Variants in MDM2 observed in about 807,000 individuals in gnomAD.
MDM2 encodes the protein E3 ubiquitin-protein ligase Mdm2.
A neutral mutation model predicts 64.3 loss-of-function variants in MDM2; 11 were observed. The ratio of observed to expected loss-of-function variants is 0.17; its 90% CI spans 0.11 to 0.28. MDM2 has a LOEUF of 0.28. MDM2 is among the 10% of genes least tolerant of loss of function. The pLI, the probability that MDM2 is intolerant of heterozygous loss-of-function variation, is 1.00. For missense variants in MDM2, 388 were observed against 577.1 expected (o/e 0.67, Z 3.36); for synonymous variants, 194 against 192.9 (o/e 1.01, Z -0.05).
intron 5 of MDM2, among the ~76,000 whole-genome samples, chr12:68,822,901 C>T (rs530856224): frequency 1.9e-3 from 289 of 152,076 alleles, no homozygotes; most frequent in African/African-American, 6.7e-3. Context: ...CCACCACGTC[C>T]GGTTAATTTT....
intron 7 of MDM2, 125 bp downstream of exon 7, chr12:68,824,776 G>T: frequency 1.3e-5 from 8 of 634,842 alleles, no homozygotes; most frequent in African/African-American, 1.9e-5. Flanking sequence ...TAACCTCTGA[G>T]TTTTTTTCAT....
exon 11 of MDM2, chr12:68,845,536 TGATTGTCTTTAGA>T (rs1884224749): frequency 1.6e-5 from 3 of 190,070 alleles, no homozygotes; most frequent in South Asian, 5.8e-4. Flanking sequence ...AAACCATAGT[TGATTGTCTTTAGA>T]GAGAGGAGTG....
chr12:68,812,985 A>G (rs1487214575), intron 2 of MDM2, among the ~76,000 whole-genome samples: 1 of 152,176 alleles, frequency 6.6e-6, no homozygotes, highest in African/African-American at 2.4e-5. Flanking sequence ...TCCAGTGCAT[A>G]GTAGAAGCTC....
rs1883947441 is a variant in MDM2 at position 68,843,181 on chromosome 12, T to C, written c.*3332T>C. On this transcript the variant is annotated 3_prime_UTR_variant, in exon 11 of 11. Transcript: ENST00000258149. ...TGTTAATTGCACACAAAACCACTTT[T>C]AATGGGTACAGAGTTAAATTTGAAG... is the stretch of plus-strand genomic sequence containing the variant. 8.4e-5 allele frequency: 19 copies of C among 224,914 alleles called. No individual in the cohort carries two copies. The East Asian group carries it at 1.2e-3, about 15-fold the overall frequency. The allele number at this position is 224,914 out of a possible 1,614,324, so 13.9% of individuals were successfully genotyped here.
chr12:68,813,724 G>T, intron 3 of MDM2, 96 bp downstream of exon 3: 2 of 801,022 alleles, frequency 2.5e-6, no homozygotes, highest in African/African-American at 1.8e-5. Flanking sequence ...CATATAGAAG[G>T]ATTTTTCATT....
At chr12:68,820,840 ATC>A (rs1881779840) in intron 5 of MDM2, among the ~76,000 whole-genome samples, 1 of 152,296 alleles carries the variant, frequency 6.6e-6, no homozygotes, top group South Asian at 2.1e-4. Context: ...TTTGGGTCAC[ATC>A]TCTCTTTAAT....
intron 4 of MDM2, among the ~76,000 whole-genome samples, chr12:68,819,154 TG>T (rs1266926162): frequency 5.9e-5 from 9 of 152,212 alleles, no homozygotes; most frequent in African/African-American, 2.2e-4. Context: ...AAAAATATTG[TG>T]GGTTTAGGTT....
chr12:68,846,526 C>T (rs1884309803), downstream of MDM2: 1 of 152,152 alleles, frequency 6.6e-6, no homozygotes, highest in African/African-American at 2.4e-5. Flanking sequence ...TTAAGTAGGC[C>T]TTCCTTCAAG....
At chr12:68,826,419 C>T (rs3730586) in intron 7 of MDM2, among the ~76,000 whole-genome samples, 13,808 of 151,672 alleles carry the variant, frequency 0.091, 2,111 homozygotes, top group African/African-American at 0.32. Context: ...AAGGCCGAAG[C>T]GGGTGGATCT....
intron 7 of MDM2, among the ~76,000 whole-genome samples, chr12:68,827,580 TA>T (rs1356609192): frequency 3.3e-5 from 5 of 152,238 alleles, no homozygotes; most frequent in Non-Finnish European, 5.9e-5. Context: ...ATAGTCTTTT[TA>T]TTGAGGACTT....
chr12:68,833,532 C>T (rs1592595708), intron 8 of MDM2, among the ~76,000 whole-genome samples: 1 of 149,928 alleles, frequency 6.7e-6, no homozygotes, highest in Non-Finnish European at 1.5e-5. Context: ...CCCAATATTG[C>T]ATTTTTTCAT....
chr12:68,835,795 G>C (rs759856407), intron 8 of MDM2, 34 bp from the exon 9 acceptor site: 1 of 1,597,170 alleles, frequency 6.3e-7, no homozygotes, highest in Non-Finnish European at 8.5e-7. Flanking sequence ...AAGAGGTGAT[G>C]TTTATTAAGT....
intron 7 of MDM2, among the ~76,000 whole-genome samples, chr12:68,827,509 C>T (rs1396547940): frequency 1.3e-5 from 2 of 151,976 alleles, no homozygotes; most frequent in Non-Finnish European, 2.9e-5. Flanking sequence ...TTGACCTTTG[C>T]CTTTTAACTT....
intron 10 of MDM2, among the ~76,000 whole-genome samples, chr12:68,837,796 T>C (rs1883429891): frequency 2.0e-5 from 3 of 152,308 alleles, no homozygotes; most frequent in South Asian, 4.1e-4. Context: ...AAAACTATTG[T>C]GCTTTAGTTT....
rs1172360277 is a variant in MDM2 at position 68,808,360 on chromosome 12, T to C, written c.-118T>C. On this transcript the variant is annotated 5_prime_UTR_variant, in exon 1 of 11. Coordinates refer to ENST00000258149, the MANE Select transcript of MDM2 (RefSeq NM_002392.6). ...CGGATTAGTGCGTACGAGCGCCCAG[T>C]GCCCTGGCCCGGAGAGTGGAATGAT... 6 of 1,384,750 alleles carry C rather than the reference T, an allele frequency of 4.3e-6. No individual in the cohort carries two copies. Among genetic ancestry groups the C allele is most frequent in the Non-Finnish European group, 6.1e-6 (6 of 981,730 alleles). 85.8% of individuals were successfully genotyped at this position (1,384,750 alleles called of 1,614,324 possible).
chr12:68,834,300 G>A (rs190628765), intron 8 of MDM2, among the ~76,000 whole-genome samples: 352 of 152,216 alleles, frequency 2.3e-3, no homozygotes, highest in African/African-American at 8.1e-3. Flanking sequence ...AAATTAGCCG[G>A]GTGTGGTAGT....
At chr12:68,809,559 AT>A (rs201538334) in intron 2 of MDM2, among the ~76,000 whole-genome samples, 2 of 151,558 alleles carry the variant, frequency 1.3e-5, no homozygotes, top group African/African-American at 2.4e-5. Context: ...TACGTGACTG[AT>A]TTTTTTTTCC....
At chr12:68,831,700 C>A (rs1009326196) in intron 8 of MDM2, among the ~76,000 whole-genome samples, 2 of 152,122 alleles carry the variant, frequency 1.3e-5, no homozygotes, top group African/African-American at 2.4e-5. Context: ...CTTAATAACT[C>A]GTGTGGAGTA....
In MDM2 at chr12:68,845,403, G is replaced by A. The variant is rs60553748; in HGVS notation, c.*5554G>A. 4 of 209,120 alleles carry A rather than the reference G, an allele frequency of 1.9e-5. No homozygotes were observed. The highest frequency in any genetic ancestry group is 1.5e-4 in the East Asian group (2 of 13,714). The allele number at this position is 209,120 out of a possible 1,614,324, so 13.0% of individuals were successfully genotyped here. On this transcript the variant is annotated 3_prime_UTR_variant, in exon 11 of 11. Transcript: ENST00000258149. Reference sequence around the variant, plus strand: ...CAAATTATAAAATGAGCTAACAAACGAAAGGCAAAATAAAACCGTAAAGCA... The same window carrying A: ...CAAATTATAAAATGAGCTAACAAACAAAAGGCAAAATAAAACCGTAAAGCA...
Sources: gnomAD v4.1 joint callset for allele counts (sites outside exome capture counted in the v4.1 genomes callset) on GRCh38, gnomAD v4.1.1 for gene constraint, MANE v1.5 for transcripts, NCBI Gene and HGNC (gene_info 2026-07-23, HGNC 2026-07-21) for gene names.